Variants in IPO7 observed in about 807,000 individuals in gnomAD.
The protein encoded by IPO7 is importin-7.
IPO7 carries 13 observed loss-of-function variants against 136.4 expected under a neutral mutation model. That is an observed-to-expected ratio of 0.10 (90% CI 0.06 to 0.15). IPO7 has a LOEUF of 0.15. Among genes scored for constraint, IPO7 ranks in the 10% least tolerant of loss-of-function variants. IPO7 has a pLI of 1.00. For synonymous variants in IPO7, 403 were observed against 404.4 expected, an observed-to-expected ratio of 1.00 and a Z score of 0.04; for missense variants, 857 against 1,240.6, an observed-to-expected ratio of 0.69 and a Z score of 4.65.
At chr11:9,425,348 A>G (rs111276846) in intron 12 of IPO7, 86 bp downstream of exon 12, 6 of 816,960 alleles carry the variant, frequency 7.3e-6, no homozygotes, top group African/African-American at 3.4e-5. Context: ...GCTCACTTCT[A>G]TAATCCCAGC....
In IPO7 at chr11:9,413,013, G is replaced by A. The variant is rs1419203226; in HGVS notation, c.480-1242G>A. 2.0e-5 allele frequency among the ~76,000 whole-genome samples: 3 copies of A among 150,804 alleles called. No individual in the cohort carries two copies. In the Admixed American group the frequency reaches 2.0e-4, roughly 10 times the overall value. On this transcript the variant is annotated intron_variant, in intron 4 of 24. Transcript: ENST00000379719. ...TCCTGCCTCAGCCTCCCGAGTAGCT[G>A]GGACTATAGGCGCCCGCCACCACGC...
chr11:9,431,473 T>C (rs533505468), intron 16 of IPO7, among the ~76,000 whole-genome samples: 11 of 151,902 alleles, frequency 7.2e-5, no homozygotes, highest in African/African-American at 2.7e-4. Context: ...GGATTTTTTT[T>C]TTTTTGAGAT....
chr11:9,425,051 A>G (rs1217172799), intron 11 of IPO7, 61 bp downstream of exon 11: 1 of 1,337,764 alleles, frequency 7.5e-7, no homozygotes, highest in Non-Finnish European at 1.1e-6. Context: ...TCAACTATAC[A>G]CTTTTTAAAT....
At chr11:9,406,936 A>G (rs938053853) in intron 2 of IPO7, among the ~76,000 whole-genome samples, 1 of 152,208 alleles carries the variant, frequency 6.6e-6, no homozygotes, top group Non-Finnish European at 1.5e-5. Context: ...TGCATGGCAT[A>G]TGGTGGTTTC....
At chr11:9,422,092 C>A (rs185631955) in intron 8 of IPO7, among the ~76,000 whole-genome samples, 1 of 152,218 alleles carries the variant, frequency 6.6e-6, no homozygotes, top group African/African-American at 2.4e-5. Flanking sequence ...CCAGCCTGAC[C>A]AACATGGAGA....
At chr11:9,388,881 T>A (rs980662664) in intron 1 of IPO7, among the ~76,000 whole-genome samples, 2 of 152,102 alleles carry the variant, frequency 1.3e-5, no homozygotes, top group African/African-American at 4.8e-5. Context: ...TTTACTTAAC[T>A]TTTCTTCTCC....
chr11:9,387,500 G>GC (rs562695527), intron 1 of IPO7, among the ~76,000 whole-genome samples: 78 of 152,198 alleles, frequency 5.1e-4, no homozygotes, highest in African/African-American at 1.8e-3. Flanking sequence ...TTTCTCTATA[G>GC]CACTGATTTG....
rs373230097 is a variant in IPO7, at chr11:9,404,669, C to T, written c.166+1298C>T. Among the ~76,000 whole-genome samples the T allele has an allele frequency of 1.4e-4, 21 of 149,584 alleles. No homozygotes were observed. In the East Asian group the frequency reaches 3.5e-3, roughly 25 times the overall value. On this transcript the variant is annotated intron_variant, in intron 2 of 24. Coordinates refer to ENST00000379719, the MANE Select transcript of IPO7 (RefSeq NM_006391.3). ...CAAGCTCCGCCTCCCGTGTTCACGC[C>T]GTTCTTCTGCCTCAGCCTCCTGAGT... is the stretch of plus-strand genomic sequence containing the variant.
intron 22 of IPO7, 25 bp downstream of exon 22, chr11:9,438,310 A>G (rs752321263): frequency 3.7e-5 from 51 of 1,363,018 alleles, no homozygotes; most frequent in Non-Finnish European, 2.1e-6. Context: ...ATGGAAGAAG[A>G]CAAAACTTAT....
chr11:9,402,452 A>G (rs1414672561), intron 1 of IPO7, among the ~76,000 whole-genome samples: 3 of 147,254 alleles, frequency 2.0e-5, no homozygotes, highest in Non-Finnish European at 4.5e-5. Flanking sequence ...GGTCAGACGC[A>G]ATGGCTCACG....
At position 9,399,497 on chromosome 11, in the gene IPO7, G is replaced by A. The variant is rs374528052; in HGVS notation, c.85-3793G>A. 9.9e-5 allele frequency among the ~76,000 whole-genome samples: 15 copies of A among 152,268 alleles called. No individual in the cohort carries two copies. The South Asian group carries it at 2.7e-3, about 27-fold the overall frequency. ...AAGGATTTTGGGTATAGAATTGACA[G>A]GACTTGATATATTAAATTGGGTTGA... On this transcript the variant is annotated intron_variant, in intron 1 of 24. Transcript: ENST00000379719.
chr11:9,425,338 G>A (rs773587600), intron 12 of IPO7, 76 bp downstream of exon 12: 6 of 877,940 alleles, frequency 6.8e-6, no homozygotes, highest in African/African-American at 1.7e-5. Context: ...AGGCACAGTG[G>A]CTCACTTCTA....
chr11:9,425,479 G>A (rs1187468657), intron 12 of IPO7, among the ~76,000 whole-genome samples: 1 of 152,162 alleles, frequency 6.6e-6, no homozygotes, highest in East Asian at 1.9e-4. Flanking sequence ...GGTGGCTTAT[G>A]CCTGTAATCC....
intron 14 of IPO7, 98 bp downstream of exon 14, chr11:9,429,294 C>T (rs1295039282): frequency 5.8e-6 from 6 of 1,033,174 alleles, no homozygotes; most frequent in East Asian, 2.4e-5. Context: ...GTGGGAAGAG[C>T]GCTTGAAGCC....
At chr11:9,437,141 C>T (rs1433766359) in intron 20 of IPO7, among the ~76,000 whole-genome samples, 1 of 151,678 alleles carries the variant, frequency 6.6e-6, no homozygotes, top group Non-Finnish European at 1.5e-5. Flanking sequence ...CCACCTCAGA[C>T]TCCCAAAAGT....
At chr11:9,420,721 T>G (rs764882167) in intron 8 of IPO7, 23 bp downstream of exon 8, 17 of 1,490,488 alleles carry the variant, frequency 1.1e-5, no homozygotes, top group Non-Finnish European at 1.6e-5. Flanking sequence ...TTAGTTTTTC[T>G]CAGTGGAAAC....
At chr11:9,401,257 C>T (rs1854791658) in intron 1 of IPO7, among the ~76,000 whole-genome samples, 1 of 151,278 alleles carries the variant, frequency 6.6e-6, no homozygotes, top group African/African-American at 2.4e-5. Context: ...AATACTTGAG[C>T]TAAAAGATGA....
chr11:9,442,249 A>C (rs1453377083), intron 24 of IPO7, 52 bp downstream of exon 24: 1 of 764,178 alleles, frequency 1.3e-6, no homozygotes, highest in African/African-American at 1.8e-5. Flanking sequence ...TATAGGTTTA[A>C]AATTTTATAT....
At chr11:9,417,217 G>A in intron 6 of IPO7, 69 bp downstream of exon 6, 2 of 662,622 alleles carry the variant, frequency 3.0e-6, no homozygotes, top group East Asian at 2.7e-5. Context: ...GACTTTAACT[G>A]GTGTTTCCTG....
Sources: allele counts gnomAD v4.1 joint callset (sites outside exome capture counted in the v4.1 genomes callset), GRCh38; gene constraint gnomAD v4.1.1; transcripts MANE v1.5; gene names NCBI Gene and HGNC (gene_info 2026-07-23, HGNC 2026-07-21).